GPHN: variants seen among roughly 807,000 people sequenced by gnomAD.
The protein encoded by GPHN is gephyrin.
Under a neutral mutation model 95.5 loss-of-function variants are expected in GPHN, and 17 were observed. The ratio of observed to expected loss-of-function variants is 0.18; its 90% CI spans 0.12 to 0.27. The LOEUF is 0.27. GPHN is among the 10% of genes least tolerant of loss of function. GPHN has a pLI of 1.00. For synonymous variants in GPHN, 320 were observed against 322.5 expected (o/e 0.99, Z 0.08); for missense variants, 660 against 978.1 (o/e 0.67, Z 4.34).
intron 8 of GPHN, among the ~76,000 whole-genome samples, chr14:66,962,462 T>C (rs1167571404): frequency 1.3e-5 from 2 of 151,828 alleles, no homozygotes; most frequent in African/African-American, 4.8e-5. Context: ...TACCCATCAT[T>C]TTCATTCATC....
the GPHN span, among the ~76,000 whole-genome samples, chr14:67,300,796 T>A: frequency 6.6e-6 from 1 of 152,188 alleles, no homozygotes; most frequent in African/African-American, 2.4e-5. Context: ...TTATGGTGAT[T>A]GTTCCATTAC....
chr14:67,423,205 G>A, the GPHN span, among the ~76,000 whole-genome samples: 2 of 152,076 alleles, frequency 1.3e-5, no homozygotes, highest in Non-Finnish European at 2.9e-5. Flanking sequence ...TCAAAACTGT[G>A]TCCAGCAGAA....
At chr14:66,627,788 A>T (rs1020952431) in intron 1 of GPHN, among the ~76,000 whole-genome samples, 19 of 152,088 alleles carry the variant, frequency 1.2e-4, no homozygotes, top group Admixed American at 4.6e-4. Flanking sequence ...GGATATTTTT[A>T]AAATGAAGAG....
intron 2 of GPHN, among the ~76,000 whole-genome samples, chr14:66,729,956 A>G (rs1473332232): frequency 2.6e-5 from 4 of 152,202 alleles, no homozygotes; most frequent in African/African-American, 9.7e-5. Flanking sequence ...AACTCATTTA[A>G]TATTCTTCCA....
the GPHN span, among the ~76,000 whole-genome samples, chr14:67,452,415 T>C: frequency 1.3e-5 from 2 of 152,174 alleles, no homozygotes; most frequent in Non-Finnish European, 2.9e-5. Context: ...TTGCTTCTCC[T>C]TGCCTTCTGT....
intron 17 of GPHN, among the ~76,000 whole-genome samples, chr14:67,141,262 C>G (rs1306135855): frequency 1.3e-5 from 2 of 152,190 alleles, no homozygotes; most frequent in Non-Finnish European, 2.9e-5. Flanking sequence ...TGAAGCTATT[C>G]AGGTTGGAAC....
chr14:66,675,167 G>A (rs866622245), intron 1 of GPHN, among the ~76,000 whole-genome samples: 3 of 130,240 alleles, frequency 2.3e-5, no homozygotes, highest in African/African-American at 9.5e-5. Flanking sequence ...TTTTTTGACG[G>A]AGTTTTACGC....
chr14:67,107,172 G>A (rs137956049), intron 13 of GPHN, among the ~76,000 whole-genome samples: 45 of 152,232 alleles, frequency 3.0e-4, no homozygotes, highest in Non-Finnish European at 8.8e-5. Context: ...TTGGTGTCAA[G>A]GGCTTTTAGA....
the GPHN span, chr14:67,619,878 G>A: frequency 4.3e-5 from 35 of 805,926 alleles, no homozygotes; most frequent in South Asian, 6.3e-4. Flanking sequence ...GCGGGCGGAC[G>A]CTGGCGCGGG....
chr14:67,200,481 G>GTT, the GPHN span: 2 of 383,152 alleles, frequency 5.2e-6, no homozygotes, highest in East Asian at 1.0e-4. Flanking sequence ...TCCACAGGAG[G>GTT]TATTTCTTTT....
At chr14:67,243,667 AT>A in the GPHN span, among the ~76,000 whole-genome samples, 29 of 134,446 alleles carry the variant, frequency 2.2e-4, no homozygotes, top group East Asian at 4.4e-4. Flanking sequence ...AATTTTTTGT[AT>A]TTTTTTTTTA....
chr14:67,456,180 A>G, the GPHN span, among the ~76,000 whole-genome samples: 1 of 152,264 alleles, frequency 6.6e-6, no homozygotes, highest in Non-Finnish European at 1.5e-5. Flanking sequence ...ACTTCTCAAA[A>G]GACGACATCC....
the GPHN span, among the ~76,000 whole-genome samples, chr14:67,468,922 A>T: frequency 0.15 from 22,477 of 149,060 alleles, 1,738 homozygotes; most frequent in Middle Eastern, 0.2. Context: ...TTTTTTTTAA[A>T]AAAAAAAGGG....
chr14:67,242,138 T>A, the GPHN span, among the ~76,000 whole-genome samples: 1 of 152,208 alleles, frequency 6.6e-6, no homozygotes, highest in Non-Finnish European at 1.5e-5. Flanking sequence ...AACCTACGTT[T>A]AATGAAGTTT....
chr14:66,754,894 T>C (rs2058504135), intron 2 of GPHN, among the ~76,000 whole-genome samples: 1 of 152,052 alleles, frequency 6.6e-6, no homozygotes. Context: ...TGCACTGTTA[T>C]GGAAACCTGT....
rs546430971 is a variant in GPHN at position 66,904,575 on chromosome 14, G to A, written c.390-11428G>A. The stretch of plus-strand genomic sequence containing the variant: ...CTTGTAAGACATAAAAGTTCTCCAA[G>A]TCCCTGGTTGACCCAGGAAGTCCAG... On this transcript the variant is annotated intron_variant, in intron 5 of 22. Coordinates refer to ENST00000478722, the MANE Select transcript of GPHN (RefSeq NM_020806.5). Among the ~76,000 whole-genome samples, 24 of 152,234 alleles carry A rather than the reference G, an allele frequency of 1.6e-4. 1 individual carries two copies. In the East Asian group the frequency reaches 4.5e-3, roughly 28 times the overall value.
the GPHN span, among the ~76,000 whole-genome samples, chr14:67,728,685 C>T: frequency 6.7e-6 from 1 of 149,902 alleles, no homozygotes; most frequent in African/African-American, 2.5e-5. Flanking sequence ...AAATAGTGAC[C>T]GCACCAGGGA....
the GPHN span, chr14:67,570,463 T>TA: frequency 1.6e-5 from 3 of 189,402 alleles, no homozygotes; most frequent in African/African-American, 4.8e-5. Context: ...TAATACTTGA[T>TA]AAAATTTTTT....
chr14:67,193,824 A>G, the GPHN span, among the ~76,000 whole-genome samples: 7 of 150,112 alleles, frequency 4.7e-5, no homozygotes, highest in African/African-American at 1.2e-4. Context: ...GTGTACCTGT[A>G]ATGCCAACTA....
Sources: gnomAD v4.1 joint callset for allele counts (sites outside exome capture counted in the v4.1 genomes callset) on GRCh38, gnomAD v4.1.1 for gene constraint, MANE v1.5 for transcripts, NCBI Gene and HGNC (gene_info 2026-07-23, HGNC 2026-07-21) for gene names.